The following FOXO1 variants were observed in gnomAD, a reference collection of about 807,000 sequenced individuals.
The protein encoded by FOXO1 is forkhead box protein O1.
Under a neutral mutation model 44.1 loss-of-function variants are expected in FOXO1, and 6 were observed. That is an observed-to-expected ratio of 0.14 (90% confidence interval 0.07 to 0.27). The LOEUF (loss-of-function observed/expected upper bound fraction) is 0.27. FOXO1 is among the 10% of genes least tolerant of loss of function. The pLI is 1.00. For synonymous variants in FOXO1, 380 were observed against 362.7 expected (o/e 1.05, Z -0.54); for missense variants, 737 against 888.8 (o/e 0.83, Z 2.17).
rs764035605 is a variant in FOXO1 at position 40,557,592 on chromosome 13, C to T, written c.*1457G>A. 3.9e-5 allele frequency: 6 copies of T among 152,216 alleles called. No individual in the cohort carries two copies. Among genetic ancestry groups the T allele is most frequent in the Non-Finnish European group, 7.3e-5 (5 of 68,042 alleles). 9.4% of individuals were successfully genotyped at this position (152,216 alleles called of 1,614,324 possible). A position where few individuals can be genotyped will look rare whatever the true frequency, so the allele number is the denominator to read the frequency against. ...AAATTCCCTCCTTCCACTTAAACTT[C>T]CACAGTGTGCTAAGTAATCTAATCT... On this transcript the variant is annotated 3_prime_UTR_variant, in exon 3 of 3. Transcript: ENST00000379561.
intron 1 of FOXO1, among the ~76,000 whole-genome samples, chr13:40,653,498 C>T (rs1877752494): frequency 6.6e-6 from 1 of 152,224 alleles, no homozygotes; most frequent in South Asian, 2.1e-4. Context: ...GGCCGAAACA[C>T]TGAGGAGACA....
At chr13:40,592,911 C>A (rs1427942906) in intron 1 of FOXO1, among the ~76,000 whole-genome samples, 6 of 152,176 alleles carry the variant, frequency 3.9e-5, no homozygotes, top group Non-Finnish European at 8.8e-5. Flanking sequence ...TAGTACCAAA[C>A]CAATAAGCAA....
intron 1 of FOXO1, among the ~76,000 whole-genome samples, chr13:40,595,150 G>C (rs1875527997): frequency 6.6e-6 from 1 of 152,200 alleles, no homozygotes; most frequent in African/African-American, 2.4e-5. Flanking sequence ...GAGCGATTAG[G>C]AGGTTTAATA....
intron 1 of FOXO1, among the ~76,000 whole-genome samples, chr13:40,620,884 C>T (rs1488312285): frequency 6.9e-6 from 1 of 145,684 alleles, no homozygotes; most frequent in African/African-American, 2.6e-5. Flanking sequence ...CTGCAATCAC[C>T]GTCTCCCGGG....
rs2137818851 is a variant in FOXO1, at chr13:40,558,178, A to T, written c.*871T>A. Reference sequence around the variant, plus strand: ...GAAAATTATGAATGCTGCCCCAAATACCTGTGGTTCCACAAAATTTACAAG... The same window carrying T: ...GAAAATTATGAATGCTGCCCCAAATTCCTGTGGTTCCACAAAATTTACAAG... On this transcript the variant is annotated 3_prime_UTR_variant, in exon 3 of 3. Transcript: ENST00000379561. 1 of 152,706 alleles carries T rather than the reference A, an allele frequency of 6.5e-6. No individual in the cohort carries two copies. The highest frequency in any genetic ancestry group is 2.1e-4 in the South Asian group (1 of 4,826). 9.5% of individuals were successfully genotyped at this position (152,706 alleles called of 1,614,324 possible).
chr13:40,614,489 G>A (rs1182231762), intron 1 of FOXO1, among the ~76,000 whole-genome samples: 3 of 152,112 alleles, frequency 2.0e-5, no homozygotes, highest in South Asian at 4.1e-4. Context: ...GGTCAATGAC[G>A]TTTCATTTTG....
chr13:40,586,173 AAAT>A (rs1344671637), intron 1 of FOXO1, among the ~76,000 whole-genome samples: 1 of 152,344 alleles, frequency 6.6e-6, no homozygotes, highest in South Asian at 2.1e-4. Context: ...GCATTTCTGT[AAAT>A]AATAACAAAA....
intron 1 of FOXO1, among the ~76,000 whole-genome samples, chr13:40,631,789 C>A (rs1876970085): frequency 6.6e-6 from 1 of 152,158 alleles, no homozygotes; most frequent in Non-Finnish European, 1.5e-5. Context: ...TATTGTTTAA[C>A]AGACACAAAG....
At chr13:40,651,224 G>C (rs9532575) in intron 1 of FOXO1, among the ~76,000 whole-genome samples, 62,729 of 151,650 alleles carry the variant, frequency 0.41, 14,221 homozygotes, top group East Asian at 0.73. Flanking sequence ...CAGGCACACA[G>C]TACTCTCTCT....
At chr13:40,638,389 CA>C (rs1030099799) in intron 1 of FOXO1, among the ~76,000 whole-genome samples, 17 of 145,292 alleles carry the variant, frequency 1.2e-4, no homozygotes, top group South Asian at 2.2e-4. Flanking sequence ...GCTTCTCCAA[CA>C]AAAAAAAAAG....
intron 1 of FOXO1, among the ~76,000 whole-genome samples, chr13:40,634,440 C>T (rs912194968): frequency 6.6e-6 from 1 of 152,168 alleles, no homozygotes; most frequent in African/African-American, 2.4e-5. Context: ...GCAGAATACA[C>T]ACAATTTAAG....
At chr13:40,660,132 C>A (rs1310801192) in intron 1 of FOXO1, among the ~76,000 whole-genome samples, 1 of 152,034 alleles carries the variant, frequency 6.6e-6, no homozygotes, top group African/African-American at 2.4e-5. Context: ...CTTTATGTAC[C>A]AAGAAAAGGT....
chr13:40,647,066 TAAAAG>T (rs1672845775), intron 1 of FOXO1, among the ~76,000 whole-genome samples: 1 of 152,214 alleles, frequency 6.6e-6, no homozygotes, highest in Non-Finnish European at 1.5e-5. Context: ...TGTCCTTTTG[TAAAAG>T]AAATTTGCAT....
At chr13:40,605,950 A>C (rs1468048002) in intron 1 of FOXO1, among the ~76,000 whole-genome samples, 1 of 152,200 alleles carries the variant, frequency 6.6e-6, no homozygotes, top group African/African-American at 2.4e-5. Flanking sequence ...ACATCGACCA[A>C]GTAATAATGC....
At chr13:40,644,056 T>C (rs968037958) in intron 1 of FOXO1, among the ~76,000 whole-genome samples, 5 of 152,230 alleles carry the variant, frequency 3.3e-5, no homozygotes, top group African/African-American at 1.2e-4. Context: ...GAGCAAATGC[T>C]AGAGGGAATT....
intron 1 of FOXO1, among the ~76,000 whole-genome samples, chr13:40,587,058 G>A (rs890817833): frequency 2.0e-5 from 3 of 152,112 alleles, no homozygotes; most frequent in African/African-American, 7.2e-5. Flanking sequence ...ATTTGTACCA[G>A]AAATGTTGGC....
At chr13:40,599,425 A>G (rs1234871960) in intron 1 of FOXO1, among the ~76,000 whole-genome samples, 1 of 152,214 alleles carries the variant, frequency 6.6e-6, no homozygotes, top group East Asian at 1.9e-4. Flanking sequence ...GCACTGTTTT[A>G]CTGAGGTCTA....
At chr13:40,584,784 G>A (rs1361974917) in intron 1 of FOXO1, among the ~76,000 whole-genome samples, 1 of 152,194 alleles carries the variant, frequency 6.6e-6, no homozygotes, top group Non-Finnish European at 1.5e-5. Flanking sequence ...GAATAAGCGA[G>A]TAGTTATCCC....
intron 1 of FOXO1, among the ~76,000 whole-genome samples, chr13:40,664,264 T>A (rs1398127011): frequency 6.6e-6 from 1 of 152,060 alleles, no homozygotes; most frequent in South Asian, 2.1e-4. Flanking sequence ...AGAGCGAGAC[T>A]CCGTCTCGGA....
Sources: gnomAD v4.1 joint callset for allele counts (sites outside exome capture counted in the v4.1 genomes callset) on GRCh38, gnomAD v4.1.1 for gene constraint, MANE v1.5 for transcripts, NCBI Gene and HGNC (gene_info 2026-07-23, HGNC 2026-07-21) for gene names.